Variants in MICU2 observed in about 807,000 individuals in gnomAD.
MICU2 encodes mitochondrial calcium uptake 2.
A neutral mutation model predicts 60.4 loss-of-function variants in MICU2; 64 were observed. The ratio of observed to expected loss-of-function variants is 1.06; its 90% confidence interval spans 0.87 to 1.31. The LOEUF (loss-of-function observed/expected upper bound fraction) is 1.31. Ranked by LOEUF, MICU2 falls within the 50% of genes most tolerant of loss-of-function variation. The pLI is 0.00. For synonymous variants in MICU2, 201 were observed against 175.0 expected (o/e 1.15, Z -1.17); for missense variants, 569 against 531.0 (o/e 1.07, Z -0.70).
chr13:21,524,473 T>A (rs1199131182), intron 4 of MICU2, among the ~76,000 whole-genome samples: 6 of 152,180 alleles, frequency 3.9e-5, no homozygotes, highest in African/African-American at 1.4e-4. Flanking sequence ...TATCAATAAT[T>A]CCTTAACATC....
chr13:21,577,905 C>T (rs964363909), intron 1 of MICU2, among the ~76,000 whole-genome samples: 6 of 149,742 alleles, frequency 4.0e-5, no homozygotes, highest in East Asian at 2.0e-4. Context: ...CTTGAGCTTA[C>T]GAGTTCAAGG....
At chr13:21,592,089 T>C (rs1405292140) in intron 1 of MICU2, among the ~76,000 whole-genome samples, 1 of 151,298 alleles carries the variant, frequency 6.6e-6, no homozygotes, top group Admixed American at 6.6e-5. Flanking sequence ...GCTGGTTTTT[T>C]GAAAAAAAAT....
At chr13:21,569,510 C>A (rs1422909344) in intron 1 of MICU2, among the ~76,000 whole-genome samples, 1 of 152,058 alleles carries the variant, frequency 6.6e-6, no homozygotes, top group Non-Finnish European at 1.5e-5. Context: ...GTCACCATCT[C>A]CTACTATTAG....
intron 1 of MICU2, among the ~76,000 whole-genome samples, chr13:21,603,293 G>C (rs938385705): frequency 2.0e-5 from 3 of 152,132 alleles, no homozygotes; most frequent in Non-Finnish European, 4.4e-5. Context: ...TTAATAGATG[G>C]AGGTTTTAGG....
chr13:21,528,987 C>T (rs1270317620), intron 4 of MICU2, among the ~76,000 whole-genome samples: 2 of 152,150 alleles, frequency 1.3e-5, no homozygotes, highest in Admixed American at 6.5e-5. Flanking sequence ...AGACGTGGCA[C>T]ACTGTGCAGA....
At chr13:21,592,677 C>T (rs1490120681) in intron 1 of MICU2, among the ~76,000 whole-genome samples, 2 of 152,190 alleles carry the variant, frequency 1.3e-5, no homozygotes, top group African/African-American at 4.8e-5. Context: ...ACGATCAAGT[C>T]GGTTTCATCC....
chr13:21,586,696 C>T (rs936671940), intron 1 of MICU2, among the ~76,000 whole-genome samples: 3 of 152,094 alleles, frequency 2.0e-5, no homozygotes, highest in African/African-American at 7.2e-5. Flanking sequence ...TAGGAGGGAG[C>T]CAACACACCT....
chr13:21,599,007 C>T (rs372547834), intron 1 of MICU2, among the ~76,000 whole-genome samples: 4 of 152,146 alleles, frequency 2.6e-5, no homozygotes, highest in South Asian at 2.1e-4. Flanking sequence ...CCTGTCAGAT[C>T]AGTAGCATTA....
rs192119152 is a variant in MICU2 at position 21,502,739 on chromosome 13, G to C, written c.933+187C>G. 320 of 497,010 alleles carry C rather than the reference G, an allele frequency of 6.4e-4. 3 individuals carry two copies. The African/African-American group carries it at 7.0e-3, about 11-fold the overall frequency. The allele number at this position is 497,010 out of a possible 1,614,324, so 30.8% of individuals were successfully genotyped here. ...TACTGGAAATGGAAAACTTGTAATTGCTACACTGATTCTGTCTTAGGCAGT... is the reference window on the plus strand; with the variant it reads ...TACTGGAAATGGAAAACTTGTAATTCCTACACTGATTCTGTCTTAGGCAGT... On this transcript the variant is annotated intron_variant, in intron 9 of 11. Coordinates refer to ENST00000382374, the MANE Select transcript of MICU2 (RefSeq NM_152726.3).
chr13:21,600,632 C>G (rs1389818857), intron 1 of MICU2, among the ~76,000 whole-genome samples: 2 of 152,172 alleles, frequency 1.3e-5, no homozygotes, highest in Non-Finnish European at 2.9e-5. Flanking sequence ...TCTACTGTTT[C>G]ATGACATGAA....
At chr13:21,552,037 T>C (rs898910120) in intron 2 of MICU2, among the ~76,000 whole-genome samples, 8 of 152,130 alleles carry the variant, frequency 5.3e-5, no homozygotes, top group Admixed American at 2.6e-4. Flanking sequence ...TGAACTAGTT[T>C]ACAGTCCCAC....
chr13:21,570,921 T>C (rs4770176), intron 1 of MICU2, among the ~76,000 whole-genome samples: 30,732 of 152,200 alleles, frequency 0.2, 4,132 homozygotes, highest in East Asian at 0.66. Flanking sequence ...TATTAATAAC[T>C]TGAACAACTA....
Position 21,493,232 on chromosome 13 carries a change from T to C in MICU2, c.*17A>G. Reference sequence around the variant, plus strand: ...GACATTTGGAACAATATAATTGCCATACTATTATATCTTTTATTAAAAAAG... The same window carrying C: ...GACATTTGGAACAATATAATTGCCACACTATTATATCTTTTATTAAAAAAG... On this transcript the variant is annotated 3_prime_UTR_variant, in exon 12 of 12. Coordinates refer to ENST00000382374, the MANE Select transcript of MICU2 (RefSeq NM_152726.3). 6.7e-7 allele frequency: 1 copy of C among 1,497,588 alleles called. No individual in the cohort carries two copies. Among genetic ancestry groups the C allele is most frequent in the African/African-American group, 1.4e-5 (1 of 71,726 alleles). The allele number at this position is 1,497,588 out of a possible 1,614,324, so 92.8% of individuals were successfully genotyped here.
intron 1 of MICU2, among the ~76,000 whole-genome samples, chr13:21,590,452 C>A (rs1335121095): frequency 1.3e-5 from 2 of 152,162 alleles, no homozygotes; most frequent in African/African-American, 4.8e-5. Context: ...AGCACGATAT[C>A]AAATATCTTG....
chr13:21,575,873 T>C (rs1888215565), intron 1 of MICU2, among the ~76,000 whole-genome samples: 1 of 152,222 alleles, frequency 6.6e-6, no homozygotes, highest in Non-Finnish European at 1.5e-5. Context: ...CTTTAGTTTA[T>C]TTTCCTCCAC....
At position 21,586,706 on chromosome 13, in the gene MICU2, T is replaced by C. The variant is rs111627807; in HGVS notation, c.210+17233A>G. On this transcript the variant is annotated intron_variant, in intron 1 of 11. Coordinates refer to ENST00000382374, the MANE Select transcript of MICU2 (RefSeq NM_152726.3). ...GATTATAGGAGGGAGCCAACACACC[T>C]GGCGTGTTACAGCATATATTTTAGT... 2.6e-5 allele frequency among the ~76,000 whole-genome samples: 4 copies of C among 152,300 alleles called. 1 individual carries two copies. Among genetic ancestry groups the C allele is most frequent in the African/African-American group, 9.6e-5 (4 of 41,564 alleles).
chr13:21,501,514 G>A lies in MICU2; in HGVS notation c.933+1412C>T, dbSNP rs936056060. 3.3e-5 allele frequency among the ~76,000 whole-genome samples: 5 copies of A among 152,218 alleles called. No homozygotes were observed. The South Asian group carries it at 8.3e-4, about 25-fold the overall frequency. On this transcript the variant is annotated intron_variant, in intron 9 of 11. Transcript: ENST00000382374. ...CCTGACCTCATGATCTGCCCGCCTTGGCCTCCCAAAGTGCCAGGATTACAG... is the reference window on the plus strand; with the variant it reads ...CCTGACCTCATGATCTGCCCGCCTTAGCCTCCCAAAGTGCCAGGATTACAG...
At chr13:21,556,548 C>T (rs1482629071) in intron 2 of MICU2, among the ~76,000 whole-genome samples, 5 of 152,066 alleles carry the variant, frequency 3.3e-5, no homozygotes, top group Non-Finnish European at 7.3e-5. Flanking sequence ...TTCAGGAGAG[C>T]GAAGACATGA....
intron 11 of MICU2, among the ~76,000 whole-genome samples, chr13:21,494,898 T>C (rs1445756353): frequency 6.6e-6 from 1 of 152,202 alleles, no homozygotes; most frequent in Non-Finnish European, 1.5e-5. Context: ...GGGCTTGCTC[T>C]GTTGCACAGT....
Sources: allele counts gnomAD v4.1 joint callset (sites outside exome capture counted in the v4.1 genomes callset), GRCh38; gene constraint gnomAD v4.1.1; transcripts MANE v1.5; gene names NCBI Gene and HGNC (gene_info 2026-07-23, HGNC 2026-07-21).